Variants in IL23R observed in about 807,000 individuals in gnomAD.
IL23R encodes interleukin 23 receptor.
In IL23R, 34 loss-of-function variants were observed where a neutral mutation model predicts 56.9. That is an observed-to-expected ratio of 0.60 (90% confidence interval 0.45 to 0.80). The LOEUF (loss-of-function observed/expected upper bound fraction) is 0.80. Among genes scored for constraint, IL23R ranks in the 30% least tolerant of loss-of-function variants. The probability of loss-of-function intolerance (pLI) is 0.00; values close to 1 mark genes in which losing one functional copy is unlikely to be tolerated. For missense variants in IL23R, 635 were observed against 730.0 expected (o/e 0.87, Z 1.50); for synonymous variants, 230 against 249.2 (o/e 0.92, Z 0.73).
intron 1 of IL23R, among the ~76,000 whole-genome samples, chr1:67,159,718 T>A (rs1232603378): frequency 6.6e-6 from 1 of 152,210 alleles, no homozygotes; most frequent in Non-Finnish European, 1.5e-5. Context: ...TGATAGTGTC[T>A]GTGATAGATG....
At chr1:67,193,557 G>T (rs1003520468) in intron 4 of IL23R, among the ~76,000 whole-genome samples, 2 of 151,702 alleles carry the variant, frequency 1.3e-5, no homozygotes, top group African/African-American at 4.8e-5. Flanking sequence ...GGTGCTCAGG[G>T]AACATCAGAA....
intron 6 of IL23R, among the ~76,000 whole-genome samples, chr1:67,218,555 A>C (rs1019795475): frequency 6.6e-6 from 1 of 151,962 alleles, no homozygotes; most frequent in Non-Finnish European, 1.5e-5. Flanking sequence ...GACAATTGCT[A>C]TCAGCTACCA....
chr1:67,165,748 A>G (rs11465754), upstream of IL23R, among the ~76,000 whole-genome samples: 58,699 of 151,908 alleles, frequency 0.39, 11,701 homozygotes, highest in Admixed American at 0.48. Flanking sequence ...ACTTATATGC[A>G]GAATCTGAAA....
intron 7 of IL23R, among the ~76,000 whole-genome samples, chr1:67,226,785 A>G (rs1387201785): frequency 6.6e-6 from 1 of 152,154 alleles, no homozygotes; most frequent in African/African-American, 2.4e-5. Context: ...CCTTAGTAGT[A>G]GTGGTTTGGG....
intron 9 of IL23R, among the ~76,000 whole-genome samples, chr1:67,252,218 G>T (rs1392229874): frequency 2.0e-5 from 3 of 151,810 alleles, no homozygotes; most frequent in Non-Finnish European, 2.9e-5. Flanking sequence ...TTCCCTTGAT[G>T]AACTTAGCCA....
chr1:67,189,496 A>C (rs1237490609), intron 4 of IL23R, among the ~76,000 whole-genome samples: 1 of 152,218 alleles, frequency 6.6e-6, no homozygotes, highest in Non-Finnish European at 1.5e-5. Flanking sequence ...TACATTCTAA[A>C]CAGGACATAA....
intron 6 of IL23R, among the ~76,000 whole-genome samples, chr1:67,216,737 T>C (rs769132742): frequency 1.3e-5 from 2 of 152,222 alleles, no homozygotes; most frequent in Non-Finnish European, 2.9e-5. Context: ...TAACTTAGGC[T>C]GCACAAAACC....
At chr1:67,145,535 G>T (rs1255633004) in intron 1 of IL23R, among the ~76,000 whole-genome samples, 4 of 151,982 alleles carry the variant, frequency 2.6e-5, no homozygotes, top group East Asian at 1.9e-4. Flanking sequence ...CCATTGCATT[G>T]TTGCTGTTTG....
At chr1:67,253,907 A>G (rs1449359093) in intron 9 of IL23R, among the ~76,000 whole-genome samples, 1 of 152,178 alleles carries the variant, frequency 6.6e-6, no homozygotes, top group Non-Finnish European at 1.5e-5. Flanking sequence ...AATTATTTAA[A>G]TAAGTACTCT....
At chr1:67,246,702 T>C (rs1266179703) in intron 9 of IL23R, among the ~76,000 whole-genome samples, 1 of 152,218 alleles carries the variant, frequency 6.6e-6, no homozygotes, top group Non-Finnish European at 1.5e-5. Context: ...TCCATTCTTT[T>C]GCATTTGCTG....
At chr1:67,234,861 C>T (rs138250234) in intron 7 of IL23R, among the ~76,000 whole-genome samples, 1 of 151,954 alleles carries the variant, frequency 6.6e-6, no homozygotes, top group African/African-American at 2.4e-5. Flanking sequence ...GCACCTGCCA[C>T]CATGCCTGGC....
intron 5 of IL23R, among the ~76,000 whole-genome samples, chr1:67,204,535 A>G (rs1032755680): frequency 1.3e-5 from 2 of 152,150 alleles, no homozygotes; most frequent in African/African-American, 4.8e-5. Context: ...TTACTGTGCT[A>G]TCTGCATTTC....
At chr1:67,235,725 C>T (rs1259538053) in intron 7 of IL23R, among the ~76,000 whole-genome samples, 1 of 152,054 alleles carries the variant, frequency 6.6e-6, no homozygotes, top group Admixed American at 6.6e-5. Context: ...TCTGAAGCCC[C>T]GTAGAAACCT....
upstream of IL23R, among the ~76,000 whole-genome samples, chr1:67,162,917 ACCT>A (rs988227545): frequency 2.6e-5 from 4 of 152,090 alleles, no homozygotes; most frequent in African/African-American, 9.7e-5. Flanking sequence ...CTGAAAACTG[ACCT>A]CCTTAAAGGT....
chr1:67,260,793 A>G (rs1205471383), downstream of IL23R, among the ~76,000 whole-genome samples: 1 of 152,146 alleles, frequency 6.6e-6, no homozygotes, highest in Non-Finnish European at 1.5e-5. Flanking sequence ...GCTACTCAGG[A>G]GGCTGAGGCG....
chr1:67,184,315 G>A (rs1419921503), intron 4 of IL23R, among the ~76,000 whole-genome samples: 2 of 152,118 alleles, frequency 1.3e-5, no homozygotes, highest in South Asian at 4.1e-4. Context: ...GGAGGCTGAG[G>A]TGGGTGCATC....
At chr1:67,169,688 T>C (rs1178887152) in intron 3 of IL23R, 50 bp downstream of exon 3, 3 of 1,492,154 alleles carry the variant, frequency 2.0e-6, no homozygotes, top group Non-Finnish European at 2.8e-6. Flanking sequence ...GTTTAACAAT[T>C]AACTGGTCAT....
chr1:67,228,363 CTTT>C (rs78083258), intron 7 of IL23R, among the ~76,000 whole-genome samples: 72 of 105,786 alleles, frequency 6.8e-4, no homozygotes, highest in African/African-American at 1.6e-3. Context: ...TTTTTTCTTC[CTTT>C]TTTTTTTTTT....
chr1:67,170,236 C>T lies in IL23R; in HGVS notation c.367+598C>T, dbSNP rs574246895. Among the ~76,000 whole-genome samples, 29 of 152,190 alleles carry T rather than the reference C, an allele frequency of 1.9e-4. No individual in the cohort carries two copies. In the South Asian group the frequency reaches 5.4e-3, roughly 28 times the overall value. ...CTAATTATACAGGCTGTGTTATGCA[C>T]TTAATTTCAATAATTTATTTGGAAG... is the stretch of plus-strand genomic sequence containing the variant. On this transcript the variant is annotated intron_variant, in intron 3 of 10. Transcript: ENST00000347310.
Sources: gnomAD v4.1 joint callset for allele counts (sites outside exome capture counted in the v4.1 genomes callset) on GRCh38, gnomAD v4.1.1 for gene constraint, MANE v1.5 for transcripts, NCBI Gene and HGNC (gene_info 2026-07-23, HGNC 2026-07-21) for gene names.